The following GAP43 variants were observed in gnomAD, a reference collection of about 807,000 sequenced individuals.
GAP43 encodes neuromodulin.
In GAP43, 6 loss-of-function variants were observed where a neutral mutation model predicts 18.6. That is an observed-to-expected ratio of 0.32 (90% CI 0.18 to 0.64). The LOEUF (loss-of-function observed/expected upper bound fraction) is 0.64, where lower values mean the gene tolerates loss of function less well. Among genes scored for constraint, GAP43 ranks in the 30% least tolerant of loss-of-function variants. The pLI is 0.78. For synonymous variants in GAP43, 115 were observed against 111.4 expected (o/e 1.03, Z -0.20); for missense variants, 292 against 295.5 (o/e 0.99, Z 0.09).
chr3:115,685,636 G>C (rs973121265), intron 2 of GAP43, among the ~76,000 whole-genome samples: 8 of 152,174 alleles, frequency 5.3e-5, no homozygotes, highest in Non-Finnish European at 1.0e-4. Context: ...CACAAAAACT[G>C]CAACTTAAAG....
intron 2 of GAP43, among the ~76,000 whole-genome samples, chr3:115,689,247 G>A (rs1047762878): frequency 3.3e-5 from 5 of 152,180 alleles, no homozygotes; most frequent in Non-Finnish European, 7.3e-5. Flanking sequence ...AGCATTCTTA[G>A]TGCCTAAAAC....
chr3:115,715,429 T>A (rs1559808686), intron 2 of GAP43, among the ~76,000 whole-genome samples: 1 of 152,180 alleles, frequency 6.6e-6, no homozygotes, highest in Non-Finnish European at 1.5e-5. Flanking sequence ...TCACCTGGTG[T>A]TGAAAATCAC....
intron 2 of GAP43, among the ~76,000 whole-genome samples, chr3:115,708,893 T>A (rs1181005732): frequency 6.7e-6 from 1 of 149,622 alleles, no homozygotes; most frequent in Non-Finnish European, 1.5e-5. Flanking sequence ...AGTTGTAGAA[T>A]ATTTGAGTGG....
intron 1 of GAP43, among the ~76,000 whole-genome samples, chr3:115,665,736 C>A (rs1025546294): frequency 6.6e-6 from 1 of 151,986 alleles, no homozygotes; most frequent in African/African-American, 2.4e-5. Context: ...ACTAACTATC[C>A]AGTGGGGGTG....
At chr3:115,633,673 A>G (rs943072257) in intron 1 of GAP43, among the ~76,000 whole-genome samples, 5 of 152,296 alleles carry the variant, frequency 3.3e-5, no homozygotes, top group African/African-American at 1.2e-4. Flanking sequence ...AAATCTCCGT[A>G]CCAGTTTCAG....
chr3:115,696,926 G>A (rs1302251931), intron 2 of GAP43, among the ~76,000 whole-genome samples: 7 of 151,818 alleles, frequency 4.6e-5, no homozygotes, highest in African/African-American at 1.7e-4. Context: ...TCCACCTCCT[G>A]GGTTCAAGTG....
At chr3:115,628,986 T>C (rs965013106) in intron 1 of GAP43, among the ~76,000 whole-genome samples, 1 of 152,212 alleles carries the variant, frequency 6.6e-6, no homozygotes, top group Non-Finnish European at 1.5e-5. Flanking sequence ...TGTATCACAC[T>C]TGATCTTCCT....
chr3:115,645,765 A>G (rs955301336), intron 1 of GAP43, among the ~76,000 whole-genome samples: 5 of 152,044 alleles, frequency 3.3e-5, no homozygotes, highest in African/African-American at 1.2e-4. Context: ...TGAAATAACT[A>G]TATTTGTAAA....
chr3:115,665,828 T>A (rs1708725197), intron 1 of GAP43, among the ~76,000 whole-genome samples: 1 of 152,204 alleles, frequency 6.6e-6, no homozygotes, highest in African/African-American at 2.4e-5. Context: ...CCTACAAATG[T>A]CTGGCAGCTT....
At chr3:115,711,789 G>A (rs1397605179) in intron 2 of GAP43, among the ~76,000 whole-genome samples, 1 of 120,222 alleles carries the variant, frequency 8.3e-6, no homozygotes, top group Non-Finnish European at 1.9e-5. Context: ...GCAGGGATGA[G>A]GGAGTGATTT....
chr3:115,647,092 G>A (rs1708466598), intron 1 of GAP43, among the ~76,000 whole-genome samples: 1 of 152,028 alleles, frequency 6.6e-6, no homozygotes, highest in Non-Finnish European at 1.5e-5. Context: ...AGTATTAGGA[G>A]GTGGGGCCTT....
chr3:115,627,494 T>A (rs1708204964), intron 1 of GAP43, among the ~76,000 whole-genome samples: 1 of 151,048 alleles, frequency 6.6e-6, no homozygotes, highest in Non-Finnish European at 1.5e-5. Context: ...CATAGTGAAA[T>A]TGCCAGTGTT....
intron 1 of GAP43, among the ~76,000 whole-genome samples, chr3:115,634,280 G>C (rs1708301424): frequency 6.6e-6 from 1 of 152,158 alleles, no homozygotes; most frequent in African/African-American, 2.4e-5. Context: ...ACTGGAACCT[G>C]TGAGGATGCA....
rs1451598961 is a variant in GAP43, at chr3:115,716,079, T to C, written c.629-4715T>C. On this transcript the variant is annotated intron_variant, in intron 2 of 2. Coordinates refer to ENST00000305124, the MANE Select transcript of GAP43 (RefSeq NM_002045.4). ...ATAGTAAGAGCTCGAAAATGTTAAC[T>C]ATAGCTAAATACTTTATACAAAGGA... Among the ~76,000 whole-genome samples, 3 of 152,336 alleles carry C rather than the reference T, an allele frequency of 2.0e-5. No homozygotes were observed. The South Asian group carries it at 6.2e-4, about 32-fold the overall frequency.
chr3:115,646,554 C>A (rs560850887), intron 1 of GAP43, among the ~76,000 whole-genome samples: 2 of 151,848 alleles, frequency 1.3e-5, no homozygotes, highest in South Asian at 4.2e-4. Context: ...CAGAAGGGCT[C>A]TAATGAAAGA....
At chr3:115,698,246 T>TAA (rs1398752183) in intron 2 of GAP43, among the ~76,000 whole-genome samples, 1 of 26,394 alleles carries the variant, frequency 3.8e-5, no homozygotes, top group African/African-American at 9.6e-5. Flanking sequence ...AAAATATATA[T>TAA]AATATATAAT....
chr3:115,679,940 C>T (rs1382217985), intron 2 of GAP43, among the ~76,000 whole-genome samples: 2 of 152,116 alleles, frequency 1.3e-5, no homozygotes, highest in African/African-American at 4.8e-5. Flanking sequence ...AAATTGATGC[C>T]ATCAGTAATG....
At chr3:115,663,547 T>C in intron 1 of GAP43, 1 of 1,275,774 alleles carries the variant, frequency 7.8e-7, no homozygotes, top group Non-Finnish European at 9.9e-7. Flanking sequence ...GGTCTCTGGG[T>C]TGTTTTCAAC....
In GAP43 at chr3:115,676,418, G is replaced by C. The variant is rs1428631877; in HGVS notation, c.436G>C (p.Ala146Pro). 5 of 1,614,010 alleles carry C rather than the reference G, an allele frequency of 3.1e-6. No homozygotes were observed. In the Admixed American group the frequency reaches 6.7e-5, roughly 22 times the overall value. ...GSAETESATK[A>P]STDNSPSSKA... ...AGCTGAGACAGAAAGTGCCACTAAA[G>C]CTTCCACTGATAACTCGCCGTCCTC... The change falls in exon 2 of 3, where the codon GCT becomes CCT. Residue 146 changes from alanine to proline, a missense_variant. Transcript: ENST00000305124.
Sources: allele counts gnomAD v4.1 joint callset (sites outside exome capture counted in the v4.1 genomes callset), GRCh38; gene constraint gnomAD v4.1.1; transcripts MANE v1.5; gene names NCBI Gene and HGNC (gene_info 2026-07-23, HGNC 2026-07-21).